The following CDH18 variants were observed in gnomAD, a reference collection of about 807,000 sequenced individuals.
CDH18 encodes cadherin-18.
CDH18 carries 31 observed loss-of-function variants against 67.9 expected under a neutral mutation model. The observed-to-expected ratio is 0.46, with a 90% CI of 0.34 to 0.62. The LOEUF (loss-of-function observed/expected upper bound fraction) is 0.62, where lower values mean the gene tolerates loss of function less well. Ranked by LOEUF, CDH18 falls within the 20% of genes least tolerant of loss-of-function variation. The probability of loss-of-function intolerance (pLI) is 0.01; values close to 1 mark genes in which losing one functional copy is unlikely to be tolerated. For synonymous variants in CDH18, 362 were observed against 347.2 expected (o/e 1.04, Z -0.48); for missense variants, 890 against 975.5 (o/e 0.91, Z 1.17).
rs551382820 is a variant in CDH18, at chr5:19,526,597, T to G, written c.1391-5819A>C. On this transcript the variant is annotated intron_variant, in intron 9 of 12. Coordinates refer to ENST00000382275, the MANE Select transcript of CDH18 (RefSeq NM_004934.5). ...AATGGAAAAAATAAATACTAATTTT[T>G]TCTTAAATATCATGACTTAAATCTT... Among the ~76,000 whole-genome samples, 11 of 152,254 alleles carry G rather than the reference T, an allele frequency of 7.2e-5. No homozygotes were observed. In the East Asian group the frequency reaches 1.9e-3, roughly 27 times the overall value.
chr5:20,536,718 C>T (rs1434193229), intron 1 of CDH18, among the ~76,000 whole-genome samples: 1 of 152,152 alleles, frequency 6.6e-6, no homozygotes, highest in African/African-American at 2.4e-5. Context: ...AGAACATCCA[C>T]TGGTCACAAA....
intron 2 of CDH18, among the ~76,000 whole-genome samples, chr5:20,148,707 G>A (rs1750862019): frequency 6.6e-6 from 1 of 151,894 alleles, no homozygotes; most frequent in African/African-American, 2.4e-5. Context: ...TTGGTCTAAG[G>A]ACCATAAAAC....
At chr5:19,499,048 C>A (rs1276471775) in intron 11 of CDH18, among the ~76,000 whole-genome samples, 2 of 152,126 alleles carry the variant, frequency 1.3e-5, no homozygotes, top group Non-Finnish European at 2.9e-5. Flanking sequence ...CATCACTTGC[C>A]ACAGAAACCT....
intron 2 of CDH18, among the ~76,000 whole-genome samples, chr5:20,048,191 C>A (rs1048914382): frequency 2.6e-5 from 4 of 151,276 alleles, no homozygotes; most frequent in Non-Finnish European, 5.9e-5. Context: ...AATCTATATT[C>A]TTTTAAATAT....
At chr5:20,207,131 T>C (rs913196727) in intron 2 of CDH18, among the ~76,000 whole-genome samples, 11 of 151,710 alleles carry the variant, frequency 7.3e-5, no homozygotes, top group African/African-American at 2.4e-4. Context: ...AGAACTAATA[T>C]ACAAATTCAG....
At chr5:20,488,172 A>G (rs1330558466) in intron 1 of CDH18, among the ~76,000 whole-genome samples, 3 of 152,186 alleles carry the variant, frequency 2.0e-5, no homozygotes, top group Non-Finnish European at 2.9e-5. Flanking sequence ...TATAAAATAT[A>G]TAATTGGAAA....
chr5:19,600,999 A>G (rs2150065714), intron 6 of CDH18, among the ~76,000 whole-genome samples: 1 of 152,230 alleles, frequency 6.6e-6, no homozygotes, highest in East Asian at 1.9e-4. Context: ...ACTTAAAACT[A>G]GGTGAAATAA....
intron 8 of CDH18, among the ~76,000 whole-genome samples, chr5:19,565,928 C>T (rs1372561641): frequency 2.6e-5 from 4 of 151,728 alleles, no homozygotes; most frequent in East Asian, 3.9e-4. Flanking sequence ...CAATGGAAAG[C>T]GACAACCCAC....
At chr5:19,589,158 A>G (rs184759284) in intron 7 of CDH18, among the ~76,000 whole-genome samples, 41 of 152,170 alleles carry the variant, frequency 2.7e-4, no homozygotes, top group Admixed American at 7.9e-4. Flanking sequence ...GATCAAATAC[A>G]ACCTGCTAAT....
At chr5:20,553,906 T>A (rs1219231731) in intron 1 of CDH18, among the ~76,000 whole-genome samples, 1 of 152,190 alleles carries the variant, frequency 6.6e-6, no homozygotes, top group Non-Finnish European at 1.5e-5. Flanking sequence ...AGCTATTACA[T>A]TTTTAGTAAA....
In CDH18 at chr5:20,508,631, A is replaced by G. The variant is rs1458012072; in HGVS notation, c.-580+66831T>C. 7.2e-5 allele frequency among the ~76,000 whole-genome samples: 11 copies of G among 152,050 alleles called. No homozygotes were observed. In the East Asian group the frequency reaches 2.1e-3, roughly 29 times the overall value. ...GAGGTAAAGAAATAAGTTGATTAACATGATCCTGTGTGTGGCAAGAATATA... is the reference window on the plus strand; with the variant it reads ...GAGGTAAAGAAATAAGTTGATTAACGTGATCCTGTGTGTGGCAAGAATATA... On this transcript the variant is annotated intron_variant, in intron 1 of 14. Transcript: ENST00000507958.
At chr5:20,523,806 C>T (rs1755891480) in intron 1 of CDH18, among the ~76,000 whole-genome samples, 1 of 152,092 alleles carries the variant, frequency 6.6e-6, no homozygotes, top group South Asian at 2.1e-4. Context: ...TCCCAAAGTG[C>T]TAGGATTACA....
chr5:19,995,454 C>T (rs1371431127), intron 2 of CDH18, among the ~76,000 whole-genome samples: 1 of 151,962 alleles, frequency 6.6e-6, no homozygotes, highest in Non-Finnish European at 1.5e-5. Context: ...TAACTCAAGA[C>T]TGGCATTGGA....
intron 7 of CDH18, among the ~76,000 whole-genome samples, chr5:19,584,865 C>T (rs1438332269): frequency 6.7e-6 from 1 of 149,000 alleles, no homozygotes; most frequent in Admixed American, 6.7e-5. Flanking sequence ...CTTGGTGGTG[C>T]TCACCTGTGG....
chr5:19,910,570 ATAAT>A (rs1182351293), intron 2 of CDH18, among the ~76,000 whole-genome samples: 2 of 152,200 alleles, frequency 1.3e-5, no homozygotes, highest in Non-Finnish European at 1.5e-5. Context: ...ACTTCTATTA[ATAAT>A]TAATAAGATT....
chr5:19,555,766 G>A (rs1258069367), intron 8 of CDH18, among the ~76,000 whole-genome samples: 1 of 152,096 alleles, frequency 6.6e-6, no homozygotes, highest in Admixed American at 6.6e-5. Flanking sequence ...CTATACAATC[G>A]CAACTGATGT....
chr5:20,312,720 C>T (rs1293067561), intron 1 of CDH18, among the ~76,000 whole-genome samples: 1 of 152,022 alleles, frequency 6.6e-6, no homozygotes, highest in Non-Finnish European at 1.5e-5. Flanking sequence ...CTTATACTCC[C>T]CAACTTACAA....
chr5:20,125,726 CTT>C lies in CDH18; in HGVS notation c.-518+129716_-518+129717del, dbSNP rs1379467063. 5.9e-5 allele frequency among the ~76,000 whole-genome samples: 9 copies of C among 152,078 alleles called. No individual in the cohort carries two copies. In the East Asian group the frequency reaches 1.7e-3, roughly 29 times the overall value. ...ATTTTTTTAAAATTACAAGGCCAAA[CTT>C]TGATTCTGTTGTTGAGGCAGACTTC... On this transcript the variant is annotated intron_variant, in intron 2 of 14. Coordinates refer to the CDH18 transcript ENST00000507958.
chr5:20,018,253 C>T (rs759346237), intron 2 of CDH18, among the ~76,000 whole-genome samples: 2 of 152,102 alleles, frequency 1.3e-5, no homozygotes, highest in Non-Finnish European at 2.9e-5. Flanking sequence ...ATATTTACAC[C>T]CTTTTTCTAT....
Sources: gnomAD v4.1 joint callset for allele counts (sites outside exome capture counted in the v4.1 genomes callset) on GRCh38, gnomAD v4.1.1 for gene constraint, MANE v1.5 for transcripts, NCBI Gene and HGNC (gene_info 2026-07-23, HGNC 2026-07-21) for gene names.